Variants in ANK2 observed in about 807,000 individuals in gnomAD.
ANK2 encodes the protein ankyrin-2.
Under a neutral mutation model 360.5 loss-of-function variants are expected in ANK2, and 83 were observed. The ratio of observed to expected loss-of-function variants is 0.23; its 90% CI spans 0.19 to 0.28. The LOEUF is 0.28. ANK2 is among the 10% of genes least tolerant of loss of function. ANK2 has a pLI of 1.00. For missense variants in ANK2, 4,201 were observed against 4,795.7 expected (o/e 0.88, Z 3.66); for synonymous variants, 1,740 against 1,759.5 (o/e 0.99, Z 0.28).
chr4:112,745,044 C>T, the ANK2 span, among the ~76,000 whole-genome samples: 3 of 152,110 alleles, frequency 2.0e-5, no homozygotes, highest in East Asian at 3.8e-4. Flanking sequence ...GTAGTTTTTT[C>T]TCAGTTGGAC....
At chr4:113,364,407 T>C (rs2096414674) in intron 40 of ANK2, among the ~76,000 whole-genome samples, 1 of 152,250 alleles carries the variant, frequency 6.6e-6, no homozygotes, top group East Asian at 1.9e-4. Context: ...TTCTGAAGTA[T>C]GCATGTTGCT....
intron 2 of ANK2, among the ~76,000 whole-genome samples, chr4:112,990,501 C>A (rs1052637777): frequency 6.6e-6 from 1 of 151,392 alleles, no homozygotes; most frequent in Non-Finnish European, 1.5e-5. Context: ...TTTTTTATAC[C>A]TGTCTTGGTG....
At chr4:113,018,245 G>T (rs894966608) in intron 2 of ANK2, among the ~76,000 whole-genome samples, 2 of 152,144 alleles carry the variant, frequency 1.3e-5, no homozygotes, top group Admixed American at 1.3e-4. Context: ...TACAAATAGT[G>T]GTTGTGACTT....
chr4:112,749,351 G>C, the ANK2 span, among the ~76,000 whole-genome samples: 1 of 152,186 alleles, frequency 6.6e-6, no homozygotes, highest in African/African-American at 2.4e-5. Context: ...CGTGCATGTA[G>C]GGGTTTCAAG....
chr4:113,108,555 C>G (rs1418603134), intron 1 of ANK2, among the ~76,000 whole-genome samples: 1 of 152,056 alleles, frequency 6.6e-6, no homozygotes, highest in East Asian at 1.9e-4. Context: ...GGCTAGTAAG[C>G]TACAAGCTTT....
chr4:112,944,726 A>G (rs1005124034), intron 2 of ANK2, among the ~76,000 whole-genome samples: 2 of 152,216 alleles, frequency 1.3e-5, no homozygotes, highest in Admixed American at 6.5e-5. Context: ...CTTGTTTGCA[A>G]TGAAGAGAGC....
chr4:113,209,669 C>T (rs1213991982), intron 4 of ANK2, among the ~76,000 whole-genome samples: 1 of 151,818 alleles, frequency 6.6e-6, no homozygotes, highest in South Asian at 2.1e-4. Flanking sequence ...TTTTTAAAGG[C>T]GGGGGTAAAT....
At chr4:112,773,947 C>T in the ANK2 span, among the ~76,000 whole-genome samples, 11 of 151,926 alleles carry the variant, frequency 7.2e-5, no homozygotes, top group African/African-American at 2.4e-4. Flanking sequence ...ACTACAGGTG[C>T]CAGCCACCAT....
At chr4:113,183,472 C>T (rs980771468) in intron 2 of ANK2, among the ~76,000 whole-genome samples, 2 of 151,912 alleles carry the variant, frequency 1.3e-5, no homozygotes, top group East Asian at 1.9e-4. Flanking sequence ...TATGGCAGAA[C>T]TAGAGAAACA....
chr4:113,325,166 CATG>C (rs1478220342), intron 26 of ANK2, among the ~76,000 whole-genome samples: 27 of 152,288 alleles, frequency 1.8e-4, no homozygotes, highest in African/African-American at 6.3e-4. Context: ...TGAGTGTTAA[CATG>C]ATATTTTTTG....
At chr4:112,997,717 T>C (rs970851548) in intron 2 of ANK2, among the ~76,000 whole-genome samples, 4 of 152,024 alleles carry the variant, frequency 2.6e-5, no homozygotes, top group South Asian at 2.1e-4. Context: ...AAAAATTGTA[T>C]GTGGTATACA....
upstream of ANK2, among the ~76,000 whole-genome samples, chr4:113,047,108 G>C (rs976482952): frequency 1.3e-5 from 2 of 152,104 alleles, no homozygotes; most frequent in Admixed American, 1.3e-4. Context: ...TGGTATAATA[G>C]TTTCCTCAAC....
rs2094323878 is a variant in ANK2, at chr4:113,341,699, T to C, written c.3905T>C (p.Ile1302Thr). 1 of 1,614,182 alleles carries C rather than the reference T, an allele frequency of 6.2e-7. No individual in the cohort carries two copies. Among genetic ancestry groups the C allele is most frequent in the East Asian group, 2.2e-5 (1 of 44,872 alleles). Reference protein sequence around the residue: ...TTNVSARFWLIDCRQIQESVT... With the variant: ...TTNVSARFWLTDCRQIQESVT... The stretch of plus-strand genomic sequence containing the variant: ...ATTTATTTTAATAGGTTCTGGCTGA[T>C]AGATTGTCGACAGATCCAGGAATCC... Residue 1302 changes from isoleucine to threonine, a missense_variant, in exon 33 of 46, where the codon ATA (isoleucine) becomes ACA (threonine). Ile to Thr is a moderately conservative substitution (Grantham distance 89). Coordinates refer to ENST00000357077, the MANE Select transcript of ANK2 (RefSeq NM_001148.6).
At chr4:113,339,472 G>T (rs1333648534) in intron 32 of ANK2, 150 bp downstream of exon 32, 3 of 691,284 alleles carry the variant, frequency 4.3e-6, no homozygotes, top group Non-Finnish European at 7.6e-6. Context: ...TTTTAAACTA[G>T]ATCTGTCAGC....
At chr4:113,320,585 G>C (rs995325523) in intron 26 of ANK2, among the ~76,000 whole-genome samples, 1 of 152,100 alleles carries the variant, frequency 6.6e-6, no homozygotes, top group East Asian at 1.9e-4. Context: ...AACCCGGGAG[G>C]TGGTGGTTAC....
intron 2 of ANK2, among the ~76,000 whole-genome samples, chr4:113,013,109 T>G (rs1361083731): frequency 6.6e-6 from 1 of 152,182 alleles, no homozygotes; most frequent in East Asian, 1.9e-4. Context: ...TCAGTGGTAT[T>G]TTAAAGTGAT....
chr4:113,001,001 CT>C (rs1278845497), intron 2 of ANK2, among the ~76,000 whole-genome samples: 1 of 148,708 alleles, frequency 6.7e-6, no homozygotes, highest in African/African-American at 2.5e-5. Flanking sequence ...CAGTTTTTTT[CT>C]TTCCATTGGA....
intron 17 of ANK2, among the ~76,000 whole-genome samples, chr4:113,282,141 A>G (rs986500566): frequency 7.9e-4 from 120 of 152,308 alleles, no homozygotes; most frequent in African/African-American, 2.8e-3. Flanking sequence ...TTGATTCTTT[A>G]TGTTATAACC....
At chr4:112,985,313 C>T (rs2044469920) in intron 2 of ANK2, among the ~76,000 whole-genome samples, 1 of 152,162 alleles carries the variant, frequency 6.6e-6, no homozygotes. Flanking sequence ...AATTAAGTTA[C>T]CACACAACAC....
Sources: allele counts gnomAD v4.1 joint callset (sites outside exome capture counted in the v4.1 genomes callset), GRCh38; gene constraint gnomAD v4.1.1; transcripts MANE v1.5; gene names NCBI Gene and HGNC (gene_info 2026-07-23, HGNC 2026-07-21).